HDAC9: variants seen among roughly 807,000 people sequenced by gnomAD.
HDAC9 encodes the protein MEF-2 interacting transcription repressor (MITR) protein.
HDAC9 carries 41 observed loss-of-function variants against 139.4 expected under a neutral mutation model. The ratio of observed to expected loss-of-function variants is 0.29; its 90% CI spans 0.23 to 0.38. The LOEUF is 0.38. Ranked by LOEUF, HDAC9 falls within the 10% of genes least tolerant of loss-of-function variation. The pLI is 1.00. For missense variants in HDAC9, 1,147 were observed against 1,297.0 expected, an observed-to-expected ratio of 0.88 and a Z score of 1.78; for synonymous variants, 517 against 476.2, an observed-to-expected ratio of 1.09 and a Z score of -1.12.
chr7:18,738,145 A>T (rs1787100086), intron 13 of HDAC9, among the ~76,000 whole-genome samples: 1 of 152,116 alleles, frequency 6.6e-6, no homozygotes, highest in African/African-American at 2.4e-5. Context: ...TTTTGAGCCT[A>T]TGTGTGTCTC....
intron 1 of HDAC9, among the ~76,000 whole-genome samples, chr7:18,435,449 C>T (rs953489976): frequency 2.6e-5 from 4 of 152,020 alleles, no homozygotes; most frequent in Non-Finnish European, 4.4e-5. Context: ...ACTATGGTAA[C>T]TAGGGTCAAT....
chr7:18,384,889 C>T (rs1217303871), intron 1 of HDAC9, among the ~76,000 whole-genome samples: 2 of 149,656 alleles, frequency 1.3e-5, no homozygotes, highest in Admixed American at 1.3e-4. Context: ...CTATTCAGTC[C>T]TTCAAGGAGG....
chr7:18,377,765 T>A (rs976537872), intron 1 of HDAC9, among the ~76,000 whole-genome samples: 4 of 152,196 alleles, frequency 2.6e-5, no homozygotes, highest in Non-Finnish European at 5.9e-5. Context: ...AAGATAATAA[T>A]GTAATAATGA....
intron 2 of HDAC9, among the ~76,000 whole-genome samples, chr7:18,243,629 A>G (rs548876167): frequency 1.3e-5 from 2 of 152,380 alleles, no homozygotes; most frequent in African/African-American, 4.8e-5. Flanking sequence ...AGATTGGGGA[A>G]GAAAACGTGG....
At chr7:18,270,488 C>T (rs1796286194) in intron 2 of HDAC9, among the ~76,000 whole-genome samples, 1 of 152,120 alleles carries the variant, frequency 6.6e-6, no homozygotes, top group African/African-American at 2.4e-5. Context: ...TACATTGGTA[C>T]TTTCCTTTGT....
intron 2 of HDAC9, among the ~76,000 whole-genome samples, chr7:18,556,116 T>G (rs1818719303): frequency 6.6e-6 from 1 of 152,046 alleles, no homozygotes; most frequent in African/African-American, 2.4e-5. Context: ...TTTCAGGTTA[T>G]TGTTGGAGGC....
At chr7:18,905,644 T>C (rs1242288600) in intron 22 of HDAC9, among the ~76,000 whole-genome samples, 1 of 152,130 alleles carries the variant, frequency 6.6e-6, no homozygotes, top group Admixed American at 6.5e-5. Context: ...AACCTGCAAG[T>C]TTTTGTGTAT....
At chr7:18,097,909 G>A (rs1443953096) in intron 1 of HDAC9, among the ~76,000 whole-genome samples, 2 of 152,198 alleles carry the variant, frequency 1.3e-5, no homozygotes, top group South Asian at 2.1e-4. Flanking sequence ...CATTTCTGGT[G>A]TTTATGCTTT....
intron 1 of HDAC9, among the ~76,000 whole-genome samples, chr7:18,121,916 A>G (rs1562642610): frequency 1.3e-5 from 2 of 152,190 alleles, no homozygotes; most frequent in Non-Finnish European, 2.9e-5. Flanking sequence ...CTTGAGGAAA[A>G]GATGAACTTT....
intron 2 of HDAC9, among the ~76,000 whole-genome samples, chr7:18,269,044 A>G (rs1489109164): frequency 1.3e-5 from 2 of 152,200 alleles, no homozygotes; most frequent in Non-Finnish European, 2.9e-5. Flanking sequence ...AGTTACTTAG[A>G]TTTCCATCAT....
intron 12 of HDAC9, among the ~76,000 whole-genome samples, chr7:18,713,957 C>T (rs917826168): frequency 1.2e-4 from 19 of 152,192 alleles, no homozygotes; most frequent in African/African-American, 4.1e-4. Context: ...GATCAATTTC[C>T]TTATCCTATT....
intron 13 of HDAC9, among the ~76,000 whole-genome samples, chr7:18,735,687 C>T (rs1367403759): frequency 6.6e-6 from 1 of 152,124 alleles, no homozygotes; most frequent in East Asian, 1.9e-4. Flanking sequence ...CAGGTTTGTT[C>T]TTTTTGCTTA....
chr7:18,914,516 G>C (rs1803019437), intron 22 of HDAC9, among the ~76,000 whole-genome samples: 2 of 151,860 alleles, frequency 1.3e-5, no homozygotes, highest in African/African-American at 4.8e-5. Context: ...AATGAATTTG[G>C]GGTACATAAT....
chr7:18,516,862 G>GAAAAAAAAA (rs35689821), intron 2 of HDAC9, among the ~76,000 whole-genome samples: 9 of 55,082 alleles, frequency 1.6e-4, no homozygotes, highest in African/African-American at 5.8e-4. Context: ...CTCCATTTCA[G>GAAAAAAAAA]AAAAAAAAAA....
In HDAC9 at chr7:18,786,474, C is replaced by T. The variant is rs796340732; in HGVS notation, c.2215-6871C>T. On this transcript the variant is annotated intron_variant, in intron 16 of 25. Coordinates refer to ENST00000686413, the MANE Select transcript of HDAC9 (RefSeq NM_178425.4). ...CGCCCTTTCCTTCCTTCCTTTCGTC[C>T]TTCCTTCCTTTCTTCCTTCCTTCCT... Among the ~76,000 whole-genome samples, 166 of 73,828 alleles carry T rather than the reference C, an allele frequency of 2.2e-3. 2 individuals are homozygous for T. The highest frequency in any genetic ancestry group is 5.4e-3 in the African/African-American group (126 of 23,134). 48.4% of individuals were successfully genotyped at this position (73,828 alleles called of 152,430 possible). A position where few individuals can be genotyped will look rare whatever the true frequency, so the allele number is the denominator to read the frequency against.
At chr7:18,738,428 T>C (rs1261605210) in intron 13 of HDAC9, among the ~76,000 whole-genome samples, 1 of 152,232 alleles carries the variant, frequency 6.6e-6, no homozygotes, top group Non-Finnish European at 1.5e-5. Flanking sequence ...TAGTGCTTCC[T>C]TCAGGAGCTC....
chr7:18,551,674 T>C (rs2128664782), intron 2 of HDAC9, among the ~76,000 whole-genome samples: 1 of 152,364 alleles, frequency 6.6e-6, no homozygotes, highest in South Asian at 2.1e-4. Context: ...ATTCTATTTT[T>C]ATACTGGAAA....
chr7:18,977,923 C>CAG (rs1784650813), intron 25 of HDAC9, among the ~76,000 whole-genome samples: 2 of 47,208 alleles, frequency 4.2e-5, no homozygotes, highest in African/African-American at 1.1e-4. Context: ...CAGACAGACA[C>CAG]ACACACACAC....
At chr7:18,248,618 T>C (rs1452620083) in intron 2 of HDAC9, among the ~76,000 whole-genome samples, 1 of 152,216 alleles carries the variant, frequency 6.6e-6, no homozygotes, top group Non-Finnish European at 1.5e-5. Context: ...TTTTACAATT[T>C]CCGAATGAAA....
Sources: allele counts gnomAD v4.1 joint callset (sites outside exome capture counted in the v4.1 genomes callset), GRCh38; gene constraint gnomAD v4.1.1; transcripts MANE v1.5; gene names NCBI Gene and HGNC (gene_info 2026-07-23, HGNC 2026-07-21).